ABCC1: variants seen among roughly 807,000 people sequenced by gnomAD.
ABCC1 encodes the protein ATP binding cassette subfamily C member 1 (ABCC1 blood group), also known as multidrug resistance-associated protein 1.
Under a neutral mutation model 172.9 loss-of-function variants are expected in ABCC1, and 83 were observed. The ratio of observed to expected loss-of-function variants is 0.48; its 90% CI spans 0.40 to 0.58. ABCC1 has a LOEUF of 0.58. ABCC1 is among the 20% of genes least tolerant of loss of function. The pLI, the probability that ABCC1 is intolerant of heterozygous loss-of-function variation, is 0.00. For synonymous variants in ABCC1, 937 were observed against 825.2 expected (o/e 1.14, Z -2.32); for missense variants, 1,817 against 2,002.7 (o/e 0.91, Z 1.77).
intron 22 of ABCC1, 64 bp from the exon 23 acceptor site, chr16:16,114,702 C>A: frequency 6.7e-7 from 1 of 1,488,104 alleles, no homozygotes; most frequent in South Asian, 1.3e-5. Context: ...ATGGCCACTC[C>A]TCCCTGCAGT....
chr16:16,140,689 A>G lies in ABCC1; in HGVS notation c.4488-484A>G, dbSNP rs542363777. The stretch of plus-strand genomic sequence containing the variant: ...TCTGGCCCCCTGCGTGTTTTTATGA[A>G]TAAAGTTTTATTGGCACGCAGCCAC... On this transcript the variant is annotated intron_variant, in intron 30 of 30. Transcript: ENST00000399410. Among the ~76,000 whole-genome samples, 3 of 152,354 alleles carry G rather than the reference A, an allele frequency of 2.0e-5. No individual in the cohort carries two copies. The South Asian group carries it at 6.2e-4, about 32-fold the overall frequency.
chr16:16,083,069 G>A (rs1407375889), intron 16 of ABCC1, among the ~76,000 whole-genome samples: 3 of 152,186 alleles, frequency 2.0e-5, no homozygotes, highest in Admixed American at 6.5e-5. Context: ...TTTGATCACC[G>A]CTGTAGGCAT....
intron 16 of ABCC1, among the ~76,000 whole-genome samples, chr16:16,080,021 C>T (rs1350789023): frequency 6.6e-6 from 1 of 152,028 alleles, no homozygotes; most frequent in Non-Finnish European, 1.5e-5. Context: ...CCATGTTGGC[C>T]AGGCTGGTCT....
At chr16:16,109,802 G>A (rs985746771) in intron 21 of ABCC1, among the ~76,000 whole-genome samples, 2 of 152,170 alleles carry the variant, frequency 1.3e-5, no homozygotes, top group Non-Finnish European at 2.9e-5. Context: ...GTGGTGTTGA[G>A]GTGACATTTG....
At chr16:15,980,299 G>A (rs892015194) in intron 1 of ABCC1, among the ~76,000 whole-genome samples, 1 of 152,114 alleles carries the variant, frequency 6.6e-6, no homozygotes, top group Non-Finnish European at 1.5e-5. Flanking sequence ...GAGCCCAGGA[G>A]TTCGAGACCA....
Position 16,056,181 on chromosome 16 carries a change from G to T in ABCC1, c.1563G>T (p.Glu521Asp). 6.2e-7 allele frequency: 1 copy of T among 1,614,142 alleles called. No homozygotes were observed. Among genetic ancestry groups the T allele is most frequent in the Non-Finnish European group, 8.5e-7 (1 of 1,180,026 alleles). The change falls in exon 12 of 31, where the codon GAG (glutamate) becomes GAT (aspartate). Residue 521 changes from glutamate to aspartate, a missense_variant. By Grantham distance (45) the Glu-to-Asp change is conservative. Coordinates refer to ENST00000399410, the MANE Select transcript of ABCC1 (RefSeq NM_004996.4). ...GIKVLKLYAW[E>D]LAFKDKVLAI... ...AAGTGCTAAAGCTTTATGCCTGGGAGCTGGCATTCAAGGACAAGGTGCTGG... is the reference window on the plus strand; with the variant it reads ...AAGTGCTAAAGCTTTATGCCTGGGATCTGGCATTCAAGGACAAGGTGCTGG...
intron 5 of ABCC1, among the ~76,000 whole-genome samples, chr16:16,019,774 C>T (rs2048131379): frequency 1.3e-5 from 2 of 152,154 alleles, no homozygotes; most frequent in South Asian, 4.1e-4. Flanking sequence ...CCCTGGGTGA[C>T]ATGAAGCTCT....
intron 23 of ABCC1, among the ~76,000 whole-genome samples, chr16:16,117,593 A>G (rs1035136894): frequency 6.6e-6 from 1 of 152,150 alleles, no homozygotes. Flanking sequence ...AGCTGGGCAC[A>G]TTGCACTTCC....
intron 1 of ABCC1, among the ~76,000 whole-genome samples, chr16:15,975,461 C>T (rs565727966): frequency 8.5e-5 from 13 of 152,158 alleles, no homozygotes; most frequent in African/African-American, 1.2e-4. Context: ...ATGGGGTATG[C>T]GTGGTTAGGC....
At chr16:16,054,456 G>T (rs1016239386) in intron 11 of ABCC1, among the ~76,000 whole-genome samples, 2 of 152,158 alleles carry the variant, frequency 1.3e-5, no homozygotes, top group African/African-American at 4.8e-5. Context: ...AGATGGTGCA[G>T]TTTATTTCTT....
intron 22 of ABCC1, 117 bp from the exon 23 acceptor site, chr16:16,114,649 T>G: frequency 1.0e-6 from 1 of 954,320 alleles, no homozygotes; most frequent in Non-Finnish European, 1.5e-6. Context: ...TTCATCATTA[T>G]TATTATTATT....
At chr16:16,092,379 C>A (rs539428433) in intron 19 of ABCC1, among the ~76,000 whole-genome samples, 1 of 152,210 alleles carries the variant, frequency 6.6e-6, no homozygotes, top group African/African-American at 2.4e-5. Context: ...TCAGCCATGA[C>A]TCCCTATTTT....
intron 1 of ABCC1, among the ~76,000 whole-genome samples, chr16:16,004,657 CTTTTT>C (rs66530759): frequency 2.0e-4 from 22 of 112,156 alleles, no homozygotes; most frequent in African/African-American, 6.9e-4. Context: ...GTAAGGTTTA[CTTTTT>C]TTTTTTTTTT....
chr16:16,129,092 C>T (rs191647160), intron 26 of ABCC1, among the ~76,000 whole-genome samples: 8 of 152,344 alleles, frequency 5.3e-5, no homozygotes, highest in Non-Finnish European at 1.0e-4. Flanking sequence ...CATTAGCATT[C>T]GGGTGAATTT....
intron 5 of ABCC1, among the ~76,000 whole-genome samples, chr16:16,023,708 G>A (rs2048274121): frequency 6.6e-6 from 1 of 152,164 alleles, no homozygotes; most frequent in African/African-American, 2.4e-5. Flanking sequence ...GAAGTGCTGG[G>A]AGTTGTGGGG....
intron 1 of ABCC1, among the ~76,000 whole-genome samples, chr16:15,982,938 A>G (rs1176723248): frequency 2.6e-5 from 4 of 151,988 alleles, no homozygotes; most frequent in Admixed American, 2.6e-4. Flanking sequence ...CATATGGTTC[A>G]TCCTAGCGAT....
intron 5 of ABCC1, among the ~76,000 whole-genome samples, chr16:16,018,909 T>C (rs990663879): frequency 6.6e-6 from 1 of 152,080 alleles, no homozygotes; most frequent in Non-Finnish European, 1.5e-5. Context: ...AGGCCAAGGC[T>C]AGAGGATCGC....
chr16:16,070,729 C>G (rs2151957140), intron 13 of ABCC1, among the ~76,000 whole-genome samples: 1 of 152,130 alleles, frequency 6.6e-6, no homozygotes, highest in Middle Eastern at 3.4e-3. Context: ...TTTTCAGTAT[C>G]CCTCCCTTGT....
At chr16:16,043,681 A>C (rs947382632) in intron 7 of ABCC1, among the ~76,000 whole-genome samples, 1 of 151,500 alleles carries the variant, frequency 6.6e-6, no homozygotes, top group Admixed American at 6.6e-5. Context: ...CACTCACAGC[A>C]ACCTCCACCT....
Sources: allele counts gnomAD v4.1 joint callset (sites outside exome capture counted in the v4.1 genomes callset), GRCh38; gene constraint gnomAD v4.1.1; transcripts MANE v1.5; gene names NCBI Gene and HGNC (gene_info 2026-07-23, HGNC 2026-07-21).